SDK2: variants seen among roughly 807,000 people sequenced by gnomAD.
SDK2 encodes the protein protein sidekick-2.
Under a neutral mutation model 253.9 loss-of-function variants are expected in SDK2, and 105 were observed. That is an observed-to-expected ratio of 0.41 (90% CI 0.35 to 0.49). The LOEUF is 0.49. Ranked by LOEUF, SDK2 falls within the 20% of genes least tolerant of loss-of-function variation. SDK2 has a pLI of 0.06. For missense variants in SDK2, 2,608 were observed against 3,003.0 expected, an observed-to-expected ratio of 0.87 and a Z score of 3.07; for synonymous variants, 1,249 against 1,234.9, an observed-to-expected ratio of 1.01 and a Z score of -0.24.
At chr17:73,605,476 G>T (rs993070238) in intron 1 of SDK2, among the ~76,000 whole-genome samples, 4 of 152,170 alleles carry the variant, frequency 2.6e-5, no homozygotes, top group African/African-American at 9.7e-5. Flanking sequence ...GGTTCTTCAT[G>T]TCTTGGAGAA....
intron 1 of SDK2, among the ~76,000 whole-genome samples, chr17:73,588,714 CTAAGAACAATCTGGCCCAAAGT>C (rs1384726720): frequency 2.0e-5 from 3 of 152,228 alleles, no homozygotes; most frequent in Non-Finnish European, 4.4e-5. Context: ...AGCCTCCCCT[CTAAGAACAATCTGGCCCAAAGT>C]GTCAGTAGTG....
At chr17:73,632,925 C>T (rs906645513) in intron 1 of SDK2, among the ~76,000 whole-genome samples, 10 of 152,112 alleles carry the variant, frequency 6.6e-5, no homozygotes, top group Admixed American at 6.6e-4. Context: ...TTTAACATAT[C>T]CTTTATGTGT....
At position 73,373,857 on chromosome 17, in the gene SDK2, G is replaced by A. The variant is rs1320916712; in HGVS notation, c.4981-5264C>T. Among the ~76,000 whole-genome samples, 5 of 151,074 alleles carry A rather than the reference G, an allele frequency of 3.3e-5. No homozygotes were observed. The South Asian group carries it at 8.4e-4, about 26-fold the overall frequency. On this transcript the variant is annotated intron_variant, in intron 36 of 44. Transcript: ENST00000392650. ...TCACCATGTTGGCCAGGCTGGTCTCGAACTACTGACCTCAGGTGATCTGCC... is the reference window on the plus strand; with the variant it reads ...TCACCATGTTGGCCAGGCTGGTCTCAAACTACTGACCTCAGGTGATCTGCC...
chr17:73,436,892 A>G (rs886333720), intron 8 of SDK2, among the ~76,000 whole-genome samples: 4 of 152,096 alleles, frequency 2.6e-5, no homozygotes, highest in Non-Finnish European at 4.4e-5. Context: ...GATGAGATGA[A>G]ATAAGTTCTC....
At chr17:73,401,426 G>A (rs1430517786) in intron 20 of SDK2, among the ~76,000 whole-genome samples, 2 of 151,250 alleles carry the variant, frequency 1.3e-5, no homozygotes, top group Non-Finnish European at 2.9e-5. Flanking sequence ...GGGACATAGT[G>A]AGTCATCATG....
In SDK2 at chr17:73,338,292, A is replaced by T; in HGVS notation, c.*295T>A. ...CTCTCTCTCTCCAGATGCCCGCCCC[A>T]CTCCGTGTCCATAGCAGTGACACAG... On this transcript the variant is annotated 3_prime_UTR_variant, in exon 45 of 45. Transcript: ENST00000392650. The surrounding 1 kb of genome is among the most constrained non-coding windows in gnomAD (Gnocchi z 5.0). 1.8e-6 allele frequency: 1 copy of T among 557,056 alleles called. No homozygotes were observed. Among genetic ancestry groups the T allele is most frequent in the Non-Finnish European group, 3.4e-6 (1 of 293,424 alleles). 34.5% of individuals were successfully genotyped at this position (557,056 alleles called of 1,614,324 possible).
At chr17:73,339,720 A>C (rs980467287) in intron 44 of SDK2, among the ~76,000 whole-genome samples, 5 of 151,554 alleles carry the variant, frequency 3.3e-5, no homozygotes, top group Non-Finnish European at 5.9e-5. Context: ...CGCCCCACTA[A>C]CTTAAAAAAA....
chr17:73,518,806 A>G (rs1474978816), intron 1 of SDK2: 1 of 152,232 alleles, frequency 6.6e-6, no homozygotes, highest in Admixed American at 6.5e-5. Flanking sequence ...TACATGGACC[A>G]CAGTCCTCTT....
In SDK2 at chr17:73,435,336, C is replaced by T; in HGVS notation, c.1195+114G>A. 9.3e-7 allele frequency: 1 copy of T among 1,080,748 alleles called. No homozygotes were observed. Among genetic ancestry groups the T allele is most frequent in the Admixed American group, 2.9e-5 (1 of 34,016 alleles). 66.9% of individuals were successfully genotyped at this position (1,080,748 alleles called of 1,614,324 possible). On this transcript the variant is annotated intron_variant, in intron 9 of 44. Transcript: ENST00000392650. This position sits in a 1 kb window ranked among gnomAD's most constrained non-coding sequence, Gnocchi z 5.7. ...TGGGCAGCAGGCGGCCTTTGGGGAT[C>T]CTATCTGCTTAATGGAACGTGCTAT...
intron 12 of SDK2, among the ~76,000 whole-genome samples, chr17:73,429,777 C>T (rs1401113938): frequency 6.6e-6 from 1 of 152,226 alleles, no homozygotes; most frequent in Non-Finnish European, 1.5e-5. Context: ...CAGGGACAAT[C>T]TCCTCCTGGT....
chr17:73,498,069 C>T (rs1466047680), intron 2 of SDK2, among the ~76,000 whole-genome samples: 1 of 152,182 alleles, frequency 6.6e-6, no homozygotes, highest in Non-Finnish European at 1.5e-5. Flanking sequence ...AAACTGGATC[C>T]ACCCACACTT....
chr17:73,469,658 T>A (rs1004286361), intron 3 of SDK2, among the ~76,000 whole-genome samples: 42 of 152,110 alleles, frequency 2.8e-4, no homozygotes, highest in African/African-American at 1.0e-3. Context: ...TCTGGCCTGG[T>A]GTGGAGGGAG....
At chr17:73,553,834 T>C (rs548366963) in intron 1 of SDK2, among the ~76,000 whole-genome samples, 36 of 152,202 alleles carry the variant, frequency 2.4e-4, no homozygotes, top group African/African-American at 7.5e-4. Flanking sequence ...GGGCATAAGA[T>C]TGGATGCAGG....
chr17:73,361,431 T>TG lies in SDK2; in HGVS notation c.5467+252dup, dbSNP rs1220957852. Among the ~76,000 whole-genome samples the TG allele has an allele frequency of 6.6e-6, 1 of 152,040 alleles. No homozygotes were observed. Among genetic ancestry groups the TG allele is most frequent in the Non-Finnish European group, 1.5e-5 (1 of 67,990 alleles). The stretch of plus-strand genomic sequence containing the variant: ...CAGTGGCCAGGCCAGGCCTGTGGGC[T>TG]GGGCCTAAGTGGGAGAGGAGGGGGC... On this transcript the variant is annotated intron_variant, in intron 39 of 44. Coordinates refer to ENST00000392650, the MANE Select transcript of SDK2 (RefSeq NM_001144952.2). This position sits in a 1 kb window ranked among gnomAD's most constrained non-coding sequence, Gnocchi z 4.1.
Position 73,338,303 on chromosome 17 carries a change from A to C in SDK2, c.*284T>G. The C allele has an allele frequency of 3.4e-6, 2 of 583,376 alleles. No homozygotes were observed. Among genetic ancestry groups the C allele is most frequent in the Non-Finnish European group, 6.5e-6 (2 of 309,538 alleles). The allele number at this position is 583,376 out of a possible 1,614,324, so 36.1% of individuals were successfully genotyped here. A position where few individuals can be genotyped will look rare whatever the true frequency, so the allele number is the denominator to read the frequency against. The stretch of plus-strand genomic sequence containing the variant: ...CAGATGCCCGCCCCACTCCGTGTCC[A>C]TAGCAGTGACACAGCCACTTCCCCA... On this transcript the variant is annotated 3_prime_UTR_variant, in exon 45 of 45. Coordinates refer to ENST00000392650, the MANE Select transcript of SDK2 (RefSeq NM_001144952.2). This position sits in a 1 kb window ranked among gnomAD's most constrained non-coding sequence, Gnocchi z 5.0.
At chr17:73,339,384 G>T (rs930714729) in intron 44 of SDK2, among the ~76,000 whole-genome samples, 1 of 151,822 alleles carries the variant, frequency 6.6e-6, no homozygotes, top group African/African-American at 2.4e-5. Flanking sequence ...GTGCCACCAC[G>T]CCTGGCTAAT....
Position 73,386,546 on chromosome 17 carries a change from A to C in SDK2, c.4397T>G (p.Leu1466Arg). 6.4e-7 allele frequency: 1 copy of C among 1,552,712 alleles called. No individual in the cohort carries two copies. Among genetic ancestry groups the C allele is most frequent in the Non-Finnish European group, 8.7e-7 (1 of 1,147,320 alleles). ...HNASSFIVDR[L>R]KPFTSYKFRV... ...GAACTTGTAGGACGTGAAGGGCTTC[A>C]GCCTGTAGGGAGAAATCAGGGCCAA... The change falls in exon 31 of 45, where the codon CTG becomes CGG. Residue 1466 changes from leucine to arginine, a missense_variant and splice_region_variant. By Grantham distance (102) the Leu-to-Arg change is moderately radical. Coordinates refer to ENST00000392650, the MANE Select transcript of SDK2 (RefSeq NM_001144952.2).
chr17:73,462,890 G>T (rs2063573524), intron 3 of SDK2, among the ~76,000 whole-genome samples: 1 of 152,162 alleles, frequency 6.6e-6, no homozygotes, highest in Non-Finnish European at 1.5e-5. Flanking sequence ...TGCCCAGGGA[G>T]TTCCTTGTTG....
chr17:73,417,405 CAA>C (rs111684261), intron 16 of SDK2, among the ~76,000 whole-genome samples: 32 of 98,678 alleles, frequency 3.2e-4, no homozygotes, highest in Non-Finnish European at 2.8e-4. Flanking sequence ...GACCCTGTCT[CAA>C]AAAAAAAAAA....
Sources: allele counts gnomAD v4.1 joint callset (sites outside exome capture counted in the v4.1 genomes callset), GRCh38; gene constraint gnomAD v4.1.1; non-coding constraint Gnocchi (gnomAD v3.1); transcripts MANE v1.5; gene names NCBI Gene and HGNC (gene_info 2026-07-23, HGNC 2026-07-21).